KCNG1: variants seen among roughly 807,000 people sequenced by gnomAD.
The protein encoded by KCNG1 is potassium voltage-gated channel modifier subfamily G member 1.
A neutral mutation model predicts 32.4 loss-of-function variants in KCNG1; 17 were observed. That is an observed-to-expected ratio of 0.52 (90% CI 0.36 to 0.79). The LOEUF (loss-of-function observed/expected upper bound fraction) is 0.79, where lower values mean the gene tolerates loss of function less well. Among genes scored for constraint, KCNG1 ranks in the 30% least tolerant of loss-of-function variants. KCNG1 has a pLI of 0.00. For synonymous variants in KCNG1, 358 were observed against 339.9 expected, an observed-to-expected ratio of 1.05 and a Z score of -0.59; for missense variants, 441 against 735.2, an observed-to-expected ratio of 0.60 and a Z score of 4.63.
intron 2 of KCNG1, among the ~76,000 whole-genome samples, chr20:51,009,003 C>T (rs987691394): frequency 6.6e-6 from 1 of 152,264 alleles, no homozygotes; most frequent in African/African-American, 2.4e-5. Context: ...GCACACACCC[C>T]GTGTCAGGCC....
At position 51,020,801 on chromosome 20, in the gene KCNG1, C is replaced by T. The variant is rs77328871; in HGVS notation, c.-27+2069G>A. Among the ~76,000 whole-genome samples, 820 of 152,270 alleles carry T rather than the reference C, an allele frequency of 5.4e-3. 5 individuals carry two copies. Among genetic ancestry groups the T allele is most frequent in the Non-Finnish European group, 8.9e-3 (608 of 68,034 alleles). On this transcript the variant is annotated intron_variant, in intron 1 of 2. Coordinates refer to ENST00000371571, the MANE Select transcript of KCNG1 (RefSeq NM_002237.4). Reference sequence around the variant, plus strand: ...TGAGTTCCTCGGAGCTGGTTTGCGTCGCTTAGCCCTGCATCCAGCACACAT... The same window carrying T: ...TGAGTTCCTCGGAGCTGGTTTGCGTTGCTTAGCCCTGCATCCAGCACACAT...
chr20:51,016,459 A>C (rs1319166037), intron 1 of KCNG1, among the ~76,000 whole-genome samples: 7 of 152,052 alleles, frequency 4.6e-5, no homozygotes, highest in African/African-American at 7.2e-5. Context: ...GGGATGTTGA[A>C]AAAAAGCTGG....
chr20:51,008,284 T>A (rs1987915540), intron 2 of KCNG1, among the ~76,000 whole-genome samples: 1 of 152,016 alleles, frequency 6.6e-6, no homozygotes, highest in Non-Finnish European at 1.5e-5. Context: ...GTGTATATGT[T>A]GGTGGCGGGG....
chr20:51,020,182 T>C (rs1988424467), intron 1 of KCNG1, among the ~76,000 whole-genome samples: 1 of 152,176 alleles, frequency 6.6e-6, no homozygotes, highest in Non-Finnish European at 1.5e-5. Flanking sequence ...GCAAGCAAAA[T>C]AACACCAAAT....
Position 51,021,957 on chromosome 20 carries a change from T to C in KCNG1, c.-27+913A>G, listed in dbSNP as rs1382348606. ...CCACACCTCCCACCTTGAGAAGGAA[T>C]GCATTAGATGAACCAAGACTTCTGC... On this transcript the variant is annotated intron_variant, in intron 1 of 2. Transcript: ENST00000371571. 2.0e-5 allele frequency among the ~76,000 whole-genome samples: 3 copies of C among 151,690 alleles called. No individual in the cohort carries two copies. In the East Asian group the frequency reaches 5.9e-4, roughly 30 times the overall value.
intron 1 of KCNG1, among the ~76,000 whole-genome samples, chr20:51,021,991 A>C (rs575892661): frequency 6.6e-6 from 1 of 152,022 alleles, no homozygotes; most frequent in Non-Finnish European, 1.5e-5. Flanking sequence ...GCCTATATAC[A>C]TGGGCTGCTA....
In KCNG1 at chr20:51,023,058, G is replaced by A. The variant is rs1402525189; in HGVS notation, c.-215C>T. 2 of 152,170 alleles carry A rather than the reference G, an allele frequency of 1.3e-5. No homozygotes were observed. Among genetic ancestry groups the A allele is most frequent in the Admixed American group, 6.5e-5 (1 of 15,280 alleles). The allele number at this position is 152,170 out of a possible 1,614,324, so 9.4% of individuals were successfully genotyped here. On this transcript the variant is annotated 5_prime_UTR_variant, in exon 1 of 3. Transcript: ENST00000371571. Reference sequence around the variant, plus strand: ...GCCCGGCTCAGCTCCCGCCCTCGGAGCCACGGCCGCCCCGTCTCTGCCTCC... The same window carrying A: ...GCCCGGCTCAGCTCCCGCCCTCGGAACCACGGCCGCCCCGTCTCTGCCTCC...
chr20:51,003,975 T>A lies in KCNG1; in HGVS notation c.*64A>T. ...GAAGCGGCCTGTCCCTCTCCAGGCG[T>A]CTGCAGTGGATGGCAATGGCTTCGG... On this transcript the variant is annotated 3_prime_UTR_variant, in exon 3 of 3. Coordinates refer to ENST00000371571, the MANE Select transcript of KCNG1 (RefSeq NM_002237.4). 2 of 1,554,882 alleles carry A rather than the reference T, an allele frequency of 1.3e-6. No homozygotes were observed. The highest frequency in any genetic ancestry group is 1.7e-6 in the Non-Finnish European group (2 of 1,144,528).
chr20:51,014,593 G>A (rs1020955852), intron 1 of KCNG1, among the ~76,000 whole-genome samples: 2 of 152,190 alleles, frequency 1.3e-5, no homozygotes, highest in African/African-American at 4.8e-5. Context: ...GTTACTGAAC[G>A]CTCACCACGT....
Position 51,009,708 on chromosome 20 carries a change from G to T in KCNG1, c.631C>A (p.Arg211=). ...EGEGRLGRCM[R]RLRDMVERPH... ...CTCTCCACCATGTCGCGCAGTCGCC[G>T]CATGCAGCGCCCCAGGCGGCCCTCG... Residue 211 remains arginine (R), a synonymous_variant, in exon 2 of 3, where the codon CGG becomes AGG. Transcript: ENST00000371571. 1.2e-6 allele frequency: 2 copies of T among 1,603,936 alleles called. No individual in the cohort carries two copies. Among genetic ancestry groups the T allele is most frequent in the Non-Finnish European group, 8.5e-7 (1 of 1,178,072 alleles).
chr20:51,018,819 G>C (rs749494791), intron 1 of KCNG1, among the ~76,000 whole-genome samples: 1 of 152,188 alleles, frequency 6.6e-6, no homozygotes, highest in Non-Finnish European at 1.5e-5. Context: ...ACTCCAGGCC[G>C]AACCTCTTTG....
Position 51,010,142 on chromosome 20 carries a change from A to T in KCNG1, c.197T>A (p.Ile66Asn). The T allele has an allele frequency of 6.2e-7, 1 of 1,612,652 alleles. No homozygotes were observed. Among genetic ancestry groups the T allele is most frequent in the Admixed American group, 1.7e-5 (1 of 60,018 alleles). Reference protein sequence around the residue: ...CQPEDRRRRIIINVGGIKYSL... With the variant: ...CQPEDRRRRININVGGIKYSL... Reference sequence around the variant, plus strand: ...GTACTTGATGCCGCCTACGTTGATGATGATCCGACGGCGGCGGTCCTCGGG... The same window carrying T: ...GTACTTGATGCCGCCTACGTTGATGTTGATCCGACGGCGGCGGTCCTCGGG... Residue 66 changes from isoleucine (I) to asparagine (N), a missense_variant, in exon 2 of 3, where the codon ATC becomes AAC. Physicochemically the swap from Ile to Asn is moderately radical, Grantham distance 149. Coordinates refer to ENST00000371571, the MANE Select transcript of KCNG1 (RefSeq NM_002237.4).
chr20:51,018,627 A>G (rs560855890), intron 1 of KCNG1, among the ~76,000 whole-genome samples: 20 of 152,204 alleles, frequency 1.3e-4, no homozygotes, highest in Non-Finnish European at 2.2e-4. Context: ...CTCCACTGCA[A>G]ACTCACTAAG....
At chr20:51,014,068 G>C (rs904039463) in intron 1 of KCNG1, 2 of 152,126 alleles carry the variant, frequency 1.3e-5, no homozygotes, top group Non-Finnish European at 2.9e-5. Context: ...CTGCCCCCAC[G>C]TGAGTTTCCT....
chr20:51,010,213 C>G lies in KCNG1; in HGVS notation c.126G>C (p.Arg42=). 1 of 1,581,124 alleles carries G rather than the reference C, an allele frequency of 6.3e-7. No individual in the cohort carries two copies. The highest frequency in any genetic ancestry group is 8.6e-7 in the Non-Finnish European group (1 of 1,166,966). Residue 42 remains arginine (R), a synonymous_variant, in exon 2 of 3, where the codon CGG becomes CGC. Coordinates refer to ENST00000371571, the MANE Select transcript of KCNG1 (RefSeq NM_002237.4). ...CATCCTGCGGCCGCAGCCGCTGCGC[C>G]CGGCGGTAGAACGCGCCCTTGATGG... The part of the protein sequence containing the change: ...RQAIKGAFYR[R]AQRLRPQDEP...
chr20:51,010,332 G>T lies in KCNG1; in HGVS notation c.7C>A (p.Leu3Ile), dbSNP rs767080993. Residue 3 changes from leucine (L) to isoleucine (I), a missense_variant, in exon 2 of 3, where the codon CTC (leucine) becomes ATC (isoleucine). Physicochemically the swap from Leu to Ile is conservative, Grantham distance 5. This residue lies in a region of KCNG1 where 85 missense variants were observed against 98.2 expected (regional missense o/e 0.87). Coordinates refer to ENST00000371571, the MANE Select transcript of KCNG1 (RefSeq NM_002237.4). Reference protein sequence around the residue: MTLLPGDNSDYDY... With the variant: MTILPGDNSDYDY... ...TAGTCAGAATTGTCTCCCGGTAAGA[G>T]GGTCATTTTGGGCCTTCACATCCCT... 1 of 1,503,304 alleles carries T rather than the reference G, an allele frequency of 6.7e-7. No homozygotes were observed. The highest frequency in any genetic ancestry group is 8.8e-7 in the Non-Finnish European group (1 of 1,135,090). The allele number at this position is 1,503,304 out of a possible 1,614,324, so 93.1% of individuals were successfully genotyped here.
chr20:51,010,982 C>T (rs1484901459), intron 1 of KCNG1, among the ~76,000 whole-genome samples: 1 of 151,702 alleles, frequency 6.6e-6, no homozygotes, highest in Admixed American at 6.6e-5. Flanking sequence ...GCCATGGGAG[C>T]ACTCAGGGAG....
In KCNG1 at chr20:51,003,671, T is replaced by G; in HGVS notation, c.*368A>C. ...GAGACAGACATGCTGTTTCTGCTGT[T>G]TGTATTTTTTTTTTTTTTCTCCAGG... is the stretch of plus-strand genomic sequence containing the variant. On this transcript the variant is annotated 3_prime_UTR_variant, in exon 3 of 3. Transcript: ENST00000371571. The G allele has an allele frequency of 5.8e-6, 1 of 171,280 alleles. No homozygotes were observed. The highest frequency in any genetic ancestry group is 2.5e-5 in the African/African-American group (1 of 39,354). 10.6% of individuals were successfully genotyped at this position (171,280 alleles called of 1,614,324 possible).
chr20:51,014,249 G>A (rs1182765653), intron 1 of KCNG1: 5 of 152,194 alleles, frequency 3.3e-5, no homozygotes, highest in Non-Finnish European at 5.9e-5. Context: ...ATGGCCTTTG[G>A]TCTTGCAGAT....
Sources: allele counts gnomAD v4.1 joint callset (sites outside exome capture counted in the v4.1 genomes callset), GRCh38; gene constraint gnomAD v4.1.1; regional missense constraint gnomAD v4.1.1; transcripts MANE v1.5; gene names NCBI Gene and HGNC (gene_info 2026-07-23, HGNC 2026-07-21).